The following PIP4P2 variants were observed in gnomAD, a reference collection of about 807,000 sequenced individuals.
PIP4P2 encodes type 2 phosphatidylinositol 4,5-bisphosphate 4-phosphatase.
Under a neutral mutation model 33.3 loss-of-function variants are expected in PIP4P2, and 19 were observed. That is an observed-to-expected ratio of 0.57 (90% CI 0.40 to 0.84). The LOEUF (loss-of-function observed/expected upper bound fraction) is 0.84, where lower values mean the gene tolerates loss of function less well. PIP4P2 is among the 40% of genes least tolerant of loss of function. The probability of loss-of-function intolerance (pLI) is 0.00; values close to 1 mark genes in which losing one functional copy is unlikely to be tolerated. For synonymous variants in PIP4P2, 110 were observed against 111.9 expected (o/e 0.98, Z 0.11); for missense variants, 270 against 324.7 (o/e 0.83, Z 1.29).
intron 4 of PIP4P2, among the ~76,000 whole-genome samples, chr8:91,010,192 T>C (rs1362399353): frequency 2.0e-5 from 3 of 151,940 alleles, no homozygotes; most frequent in Admixed American, 6.6e-5. Flanking sequence ...TGGAAGAATA[T>C]AGAACTATTA....
At chr8:90,996,942 T>A (rs1283692065) in intron 5 of PIP4P2, among the ~76,000 whole-genome samples, 198 bp from the exon 6 acceptor site, 1 of 152,122 alleles carries the variant, frequency 6.6e-6, no homozygotes, top group African/African-American at 2.4e-5. Flanking sequence ...TTTGTGATAT[T>A]ATTGTGGCTT....
intron 1 of PIP4P2, among the ~76,000 whole-genome samples, chr8:91,021,642 A>C (rs1012616497): frequency 2.0e-5 from 3 of 152,184 alleles, no homozygotes; most frequent in African/African-American, 7.2e-5. Flanking sequence ...GGTCTATCCC[A>C]ATAACCCAGT....
chr8:91,036,267 T>A (rs1436927816), intron 1 of PIP4P2, among the ~76,000 whole-genome samples: 1 of 152,056 alleles, frequency 6.6e-6, no homozygotes, highest in African/African-American at 2.4e-5. Context: ...ACACTACAGG[T>A]CCCATTTTGC....
Position 90,995,388 on chromosome 8 carries a change from A to G in PIP4P2, c.*289T>C, listed in dbSNP as rs1315164697. On this transcript the variant is annotated 3_prime_UTR_variant, in exon 7 of 7. Transcript: ENST00000285419. ...TGAAATAACTTATTTAAAAATAATA[A>G]AAGGGTGAGAGTAAATGTAATGTTT... 1 of 200,496 alleles carries G rather than the reference A, an allele frequency of 5.0e-6. No homozygotes were observed. Among genetic ancestry groups the G allele is most frequent in the African/African-American group, 2.3e-5 (1 of 43,436 alleles). 12.4% of individuals were successfully genotyped at this position (200,496 alleles called of 1,614,324 possible).
In PIP4P2 at chr8:91,024,100, C is replaced by G. The variant is rs1023588213; in HGVS notation, c.107-2696G>C. ...AGGTGAAGTAGTCAGGGGACACTGG[C>G]CTGGCCCACCAGATAAATGGAATCA... On this transcript the variant is annotated intron_variant, in intron 1 of 6. Coordinates refer to ENST00000285419, the MANE Select transcript of PIP4P2 (RefSeq NM_018710.3). Among the ~76,000 whole-genome samples the G allele has an allele frequency of 3.9e-5, 6 of 152,002 alleles. No homozygotes were observed. The East Asian group carries it at 9.7e-4, about 25-fold the overall frequency.
chr8:91,020,884 A>G (rs1811998836), intron 2 of PIP4P2, among the ~76,000 whole-genome samples: 1 of 152,216 alleles, frequency 6.6e-6, no homozygotes, highest in African/African-American at 2.4e-5. Context: ...TAAATAGGGC[A>G]AAGTTTACAT....
In PIP4P2 at chr8:91,020,181, C is replaced by T. The variant is rs778458462; in HGVS notation, c.338G>A (p.Arg113Gln). 1.1e-5 allele frequency: 18 copies of T among 1,613,678 alleles called. No individual in the cohort carries two copies. The Middle Eastern group carries it at 9.9e-4, about 89-fold the overall frequency. ...CLLICKDTSR[R>Q]IGCPRPNCRR... The stretch of plus-strand genomic sequence containing the variant: ...CCAGTTGGGTCTTGGGCATCCTATT[C>T]GCCGAGATGTGTCCTTACAAATGAG... Residue 113 changes from arginine to glutamine, a missense_variant, in exon 3 of 7, where the codon CGA becomes CAA. Transcript: ENST00000285419.
chr8:91,018,643 G>T, intron 3 of PIP4P2, 130 bp from the exon 4 acceptor site: 1 of 1,404,294 alleles, frequency 7.1e-7, no homozygotes, highest in Non-Finnish European at 9.6e-7. Flanking sequence ...ATGTCAAGCT[G>T]GAGGCAAAAC....
At chr8:91,032,209 A>C (rs918050237) in intron 1 of PIP4P2, among the ~76,000 whole-genome samples, 2 of 152,214 alleles carry the variant, frequency 1.3e-5, no homozygotes, top group Non-Finnish European at 2.9e-5. Context: ...TGAAGTCCAG[A>C]AAAAGGAACC....
intron 3 of PIP4P2, among the ~76,000 whole-genome samples, chr8:91,019,892 T>A (rs541752953): frequency 1.3e-5 from 2 of 152,262 alleles, no homozygotes; most frequent in East Asian, 1.9e-4. Context: ...GTTCAATGTG[T>A]CATTGATTTA....
chr8:91,000,213 A>C (rs970596147), intron 5 of PIP4P2, among the ~76,000 whole-genome samples: 2 of 151,950 alleles, frequency 1.3e-5, no homozygotes, highest in African/African-American at 4.8e-5. Flanking sequence ...CCAATATTTC[A>C]GTTTTATTGT....
chr8:91,009,948 C>T (rs947582330), intron 4 of PIP4P2, among the ~76,000 whole-genome samples: 3 of 151,988 alleles, frequency 2.0e-5, no homozygotes, highest in Admixed American at 1.3e-4. Flanking sequence ...TGAATGTTCA[C>T]TCTCTTTACA....
At chr8:91,035,200 T>C (rs1479589504) in intron 1 of PIP4P2, among the ~76,000 whole-genome samples, 2 of 152,182 alleles carry the variant, frequency 1.3e-5, no homozygotes, top group East Asian at 1.9e-4. Context: ...ATTATGACAA[T>C]TACGCTTCAT....
rs895746992 is a variant in PIP4P2 at position 90,999,068 on chromosome 8, GA to G, written c.540-2325del. Among the ~76,000 whole-genome samples, 363 of 149,180 alleles carry G rather than the reference GA, an allele frequency of 2.4e-3. 5 individuals are homozygous for G. The highest frequency in any genetic ancestry group is 8.5e-3 in the African/African-American group (346 of 40,896). ...CCAGCATCTATAAGAACTTAAACAA[GA>G]AAAAAAAACCAGCCCATTAAAAAGT... is the stretch of plus-strand genomic sequence containing the variant. On this transcript the variant is annotated intron_variant, in intron 5 of 6. Transcript: ENST00000285419.
At chr8:91,001,288 A>G (rs1484883567) in intron 5 of PIP4P2, among the ~76,000 whole-genome samples, 1 of 151,980 alleles carries the variant, frequency 6.6e-6, no homozygotes, top group Non-Finnish European at 1.5e-5. Flanking sequence ...ATTTTATGCA[A>G]TTTTATCACG....
At chr8:90,997,913 G>A (rs917351711) in intron 5 of PIP4P2, among the ~76,000 whole-genome samples, 1 of 152,034 alleles carries the variant, frequency 6.6e-6, no homozygotes, top group African/African-American at 2.4e-5. Context: ...AAAAACTGAT[G>A]AAGTTTTTTG....
At chr8:91,006,838 G>T (rs546354093) in intron 5 of PIP4P2, among the ~76,000 whole-genome samples, 1 of 152,122 alleles carries the variant, frequency 6.6e-6, no homozygotes, top group Non-Finnish European at 1.5e-5. Flanking sequence ...GCGTGGTGGC[G>T]TGTGCCTATA....
chr8:91,038,522 T>A (rs954986770), intron 1 of PIP4P2, among the ~76,000 whole-genome samples: 2 of 152,202 alleles, frequency 1.3e-5, no homozygotes, highest in African/African-American at 4.8e-5. Context: ...TATTTATTTA[T>A]TCTTTCTCCC....
rs118041509 is a variant in PIP4P2 at position 91,009,566 on chromosome 8, A to T, written c.487-771T>A. Among the ~76,000 whole-genome samples, 1,073 of 151,872 alleles carry T rather than the reference A, an allele frequency of 7.1e-3. 5 individuals are homozygous for T. Among genetic ancestry groups the T allele is most frequent in the Middle Eastern group, 0.02 (6 of 294 alleles). Reference sequence around the variant, plus strand: ...ATATTTCCTTGATAGTTTTGGGAAAATTTCTTTAAGTACTTTGGCAGTTTA... The same window carrying T: ...ATATTTCCTTGATAGTTTTGGGAAATTTTCTTTAAGTACTTTGGCAGTTTA... On this transcript the variant is annotated intron_variant, in intron 4 of 6. Coordinates refer to ENST00000285419, the MANE Select transcript of PIP4P2 (RefSeq NM_018710.3).
Sources: gnomAD v4.1 joint callset for allele counts (sites outside exome capture counted in the v4.1 genomes callset) on GRCh38, gnomAD v4.1.1 for gene constraint, MANE v1.5 for transcripts, NCBI Gene and HGNC (gene_info 2026-07-23, HGNC 2026-07-21) for gene names.